The following PITPNC1 variants were observed in gnomAD, a reference collection of about 807,000 sequenced individuals.
PITPNC1 encodes the protein phosphatidylinositol transfer protein cytoplasmic 1, also known as cytoplasmic phosphatidylinositol transfer protein 1.
In PITPNC1, 18 loss-of-function variants were observed where a neutral mutation model predicts 44.7. The observed-to-expected ratio is 0.40, with a 90% CI of 0.28 to 0.60. The LOEUF (loss-of-function observed/expected upper bound fraction) is 0.60. Among genes scored for constraint, PITPNC1 ranks in the 20% least tolerant of loss-of-function variants. The probability of loss-of-function intolerance (pLI) is 0.39; values close to 1 mark genes in which losing one functional copy is unlikely to be tolerated. For missense variants in PITPNC1, 290 were observed against 418.4 expected (o/e 0.69, Z 2.68); for synonymous variants, 141 against 149.6 (o/e 0.94, Z 0.42).
Position 67,509,949 on chromosome 17 carries a change from C to T in PITPNC1, c.49-22853C>T, listed in dbSNP as rs886979492. 3.3e-5 allele frequency among the ~76,000 whole-genome samples: 5 copies of T among 152,244 alleles called. No homozygotes were observed. In the East Asian group the frequency reaches 5.8e-4, roughly 18 times the overall value. ...TGAAAAGAAACGTCTAGAACACAGC[C>T]GGCTCAAATCGGAGACCAATTGACT... is the stretch of plus-strand genomic sequence containing the variant. On this transcript the variant is annotated intron_variant, in intron 1 of 8. Coordinates refer to ENST00000581322, the MANE Select transcript of PITPNC1 (RefSeq NM_012417.4).
intron 1 of PITPNC1, among the ~76,000 whole-genome samples, chr17:67,425,191 GCGCACGCACACGCACACACACACACA>G (rs1306282450): frequency 1.0e-4 from 4 of 38,640 alleles, no homozygotes; most frequent in Non-Finnish European, 1.8e-4. Flanking sequence ...TGTTGTGCGC[GCGCACGCACACGCACACACACACACA>G]CACACACACA....
At chr17:67,378,856 C>T in intron 1 of PITPNC1, 8 of 395,268 alleles carry the variant, frequency 2.0e-5, no homozygotes, top group Non-Finnish European at 2.7e-5. Flanking sequence ...GGGAGCGGCG[C>T]GCGAGCCGGG....
At chr17:67,515,291 A>G (rs777635830) in intron 1 of PITPNC1, among the ~76,000 whole-genome samples, 1 of 152,174 alleles carries the variant, frequency 6.6e-6, no homozygotes, top group Non-Finnish European at 1.5e-5. Flanking sequence ...ATGGGGAGGA[A>G]GGCATGCCCA....
intron 1 of PITPNC1, among the ~76,000 whole-genome samples, chr17:67,426,752 T>C (rs1353882625): frequency 1.3e-5 from 2 of 152,152 alleles, no homozygotes; most frequent in Non-Finnish European, 2.9e-5. Context: ...ATAAATTACA[T>C]ATGTTTAGAG....
chr17:67,412,147 C>A (rs1170249507), intron 1 of PITPNC1, among the ~76,000 whole-genome samples: 1 of 152,192 alleles, frequency 6.6e-6, no homozygotes, highest in Non-Finnish European at 1.5e-5. Context: ...CATGGAAGTG[C>A]CTCACCCCTT....
At position 67,624,494 on chromosome 17, in the gene PITPNC1, T is replaced by G. The variant is rs111817969; in HGVS notation, c.367-7649T>G. 1.3e-3 allele frequency among the ~76,000 whole-genome samples: 194 copies of G among 152,264 alleles called. 2 individuals carry two copies. The highest frequency in any genetic ancestry group is 3.4e-3 in the Middle Eastern group (1 of 294). ...GATTACGGGTGTGAGCCACTGTGCC[T>G]TGCCAAGATTCTTTTCTTTCTTTCT... On this transcript the variant is annotated intron_variant, in intron 5 of 8. Transcript: ENST00000581322.
intron 5 of PITPNC1, among the ~76,000 whole-genome samples, chr17:67,581,618 T>C (rs752956508): frequency 1.3e-5 from 2 of 152,210 alleles, no homozygotes; most frequent in Admixed American, 6.5e-5. Flanking sequence ...CCTGAGGCCA[T>C]TGGACCACAC....
intron 1 of PITPNC1, among the ~76,000 whole-genome samples, chr17:67,385,128 C>G (rs565615020): frequency 1.3e-5 from 2 of 152,076 alleles, no homozygotes; most frequent in East Asian, 1.9e-4. Flanking sequence ...CTTCTTGGTC[C>G]GGTGGGGACT....
chr17:67,442,204 C>CATATGTGTATATAT (rs2039021633), intron 1 of PITPNC1, among the ~76,000 whole-genome samples: 1 of 54,218 alleles, frequency 1.8e-5, no homozygotes, highest in Admixed American at 3.3e-4. Context: ...GGAAAATAAG[C>CATATGTGTATATAT]ATATATATAT....
At chr17:67,398,662 A>G (rs1040353945) in intron 1 of PITPNC1, among the ~76,000 whole-genome samples, 2 of 152,016 alleles carry the variant, frequency 1.3e-5, no homozygotes, top group Non-Finnish European at 2.9e-5. Context: ...GACCAGCAGC[A>G]GCGACCACCA....
chr17:67,452,098 G>A (rs1416663362), intron 1 of PITPNC1, among the ~76,000 whole-genome samples: 2 of 151,730 alleles, frequency 1.3e-5, no homozygotes, highest in African/African-American at 2.4e-5. Flanking sequence ...TCCACCTCCT[G>A]GGCTCAAGTG....
intron 1 of PITPNC1, among the ~76,000 whole-genome samples, chr17:67,509,516 A>G (rs1025528681): frequency 9.9e-5 from 15 of 151,788 alleles, no homozygotes; most frequent in Non-Finnish European, 1.6e-4. Flanking sequence ...CAGCCTGGGC[A>G]ACAGAGTGAG....
chr17:67,577,315 G>A (rs76747023), intron 4 of PITPNC1, among the ~76,000 whole-genome samples: 1,688 of 149,880 alleles, frequency 0.011, 44 homozygotes, highest in African/African-American at 0.038. Context: ...AAAGAAGGCC[G>A]GGCGCCTGTA....
intron 5 of PITPNC1, among the ~76,000 whole-genome samples, chr17:67,599,723 A>G (rs989682312): frequency 3.3e-5 from 5 of 152,212 alleles, no homozygotes; most frequent in African/African-American, 1.2e-4. Context: ...GCCAGCTTGT[A>G]GTATCCTTTG....
At position 67,689,848 on chromosome 17, in the gene PITPNC1, T is replaced by A. The variant is rs75747250; in HGVS notation, c.683-2724T>A. Among the ~76,000 whole-genome samples the A allele has an allele frequency of 6.6e-5, 10 of 152,332 alleles. 1 individual carries two copies. The East Asian group carries it at 1.9e-3, about 29-fold the overall frequency. On this transcript the variant is annotated intron_variant, in intron 8 of 8. Transcript: ENST00000581322. Reference sequence around the variant, plus strand: ...CATTTATCATAGCAAAAACATAACATACCCTGATACACTAAAATTTTTCTC... The same window carrying A: ...CATTTATCATAGCAAAAACATAACAAACCCTGATACACTAAAATTTTTCTC...
At chr17:67,453,126 G>A (rs934002146) in intron 1 of PITPNC1, among the ~76,000 whole-genome samples, 4 of 152,132 alleles carry the variant, frequency 2.6e-5, no homozygotes, top group Admixed American at 6.6e-5. Context: ...CGGGGGCAGG[G>A]TACATGGAAA....
At chr17:67,407,984 C>G (rs1164543273) in intron 1 of PITPNC1, among the ~76,000 whole-genome samples, 1 of 151,910 alleles carries the variant, frequency 6.6e-6, no homozygotes, top group Non-Finnish European at 1.5e-5. Context: ...GAGACAGAGT[C>G]TTGCTCTGTT....
intron 1 of PITPNC1, among the ~76,000 whole-genome samples, chr17:67,398,319 G>A (rs1315208777): frequency 3.9e-5 from 6 of 152,012 alleles, no homozygotes; most frequent in Non-Finnish European, 5.9e-5. Context: ...GGGATTCAGC[G>A]AACTCTTGGA....
chr17:67,569,628 A>G (rs2041025257), intron 4 of PITPNC1, among the ~76,000 whole-genome samples: 1 of 152,206 alleles, frequency 6.6e-6, no homozygotes. Flanking sequence ...CTTAGACACC[A>G]GATAAAAGGA....
Sources: gnomAD v4.1 joint callset for allele counts (sites outside exome capture counted in the v4.1 genomes callset) on GRCh38, gnomAD v4.1.1 for gene constraint, MANE v1.5 for transcripts, NCBI Gene and HGNC (gene_info 2026-07-23, HGNC 2026-07-21) for gene names.